CEP68: variants seen among roughly 807,000 people sequenced by gnomAD.
CEP68 encodes centrosomal protein 68, also known as centrosomal protein of 68 kDa.
CEP68 carries 26 observed loss-of-function variants against 55.3 expected under a neutral mutation model. That is an observed-to-expected ratio of 0.47 (90% CI 0.34 to 0.65). The LOEUF is 0.65. Ranked by LOEUF, CEP68 falls within the 30% of genes least tolerant of loss-of-function variation. CEP68 has a pLI of 0.01. For synonymous variants in CEP68, 402 were observed against 383.2 expected (o/e 1.05, Z -0.57); for missense variants, 957 against 946.7 (o/e 1.01, Z -0.14).
At chr2:65,067,118 T>C (rs562486700) in intron 1 of CEP68, among the ~76,000 whole-genome samples, 1 of 152,038 alleles carries the variant, frequency 6.6e-6, no homozygotes, top group African/African-American at 2.4e-5. Context: ...GTACAGTGGC[T>C]TATGCCTATA....
rs12611491 is a variant in CEP68, at chr2:65,069,523, A to G, written c.79A>G (p.Arg27Gly). The G allele has an allele frequency of 0.017, 26,902 of 1,587,312 alleles. 1,687 individuals carry two copies. The East Asian group carries it at 0.23, about 14-fold the overall frequency. The change falls in exon 2 of 7, where the codon AGG becomes GGG. Residue 27 changes from arginine to glycine, a missense_variant. By Grantham distance (125) the Arg-to-Gly change is moderately radical. Coordinates refer to ENST00000377990, the MANE Select transcript of CEP68 (RefSeq NM_015147.3). ...CCAGTCCTATGGGAGAGGGAGCTGC[A>G]GGGAGCGGGAGCTGGACATCCCAGG... ...KAQSYGRGSCRERELDIPGPM... is the reference protein window; with the variant it reads ...KAQSYGRGSCGERELDIPGPM...
chr2:65,081,179 T>C (rs1039728250), intron 5 of CEP68, among the ~76,000 whole-genome samples: 2 of 148,182 alleles, frequency 1.3e-5, no homozygotes, highest in Admixed American at 6.8e-5. Context: ...GCCGCTGCAC[T>C]CCAGCCTGGG....
intron 1 of CEP68, among the ~76,000 whole-genome samples, chr2:65,061,868 A>T (rs1409063429): frequency 6.6e-6 from 1 of 152,138 alleles, no homozygotes; most frequent in African/African-American, 2.4e-5. Flanking sequence ...CTCTGCCTTT[A>T]AGCTCCTTTA....
intron 2 of CEP68, among the ~76,000 whole-genome samples, chr2:65,070,517 C>G (rs1404878068): frequency 6.6e-6 from 1 of 151,794 alleles, no homozygotes; most frequent in Non-Finnish European, 1.5e-5. Flanking sequence ...GTCATTGTAG[C>G]CTTGGCTGCT....
chr2:65,067,594 C>T (rs773747266), intron 1 of CEP68, among the ~76,000 whole-genome samples: 1 of 152,094 alleles, frequency 6.6e-6, no homozygotes, highest in Non-Finnish European at 1.5e-5. Context: ...CTGATTCTGT[C>T]CATGCCTCCC....
chr2:65,074,013 C>T (rs57171913), intron 3 of CEP68: 9,710 of 357,772 alleles, frequency 0.027, 872 homozygotes, highest in African/African-American at 0.19. Context: ...GTTTCCATGG[C>T]AGGCACGCCT....
intron 1 of CEP68, among the ~76,000 whole-genome samples, chr2:65,062,856 G>A (rs1048085789): frequency 2.6e-4 from 39 of 152,232 alleles, no homozygotes; most frequent in African/African-American, 9.1e-4. Context: ...AATAGTCCTA[G>A]GGGAGGTCCT....
At chr2:65,077,078 C>T (rs574655775) in intron 4 of CEP68, among the ~76,000 whole-genome samples, 1 of 144,822 alleles carries the variant, frequency 6.9e-6, no homozygotes, top group East Asian at 2.0e-4. Context: ...TCACTGCAAC[C>T]CCTGCCTCCC....
Position 65,069,460 on chromosome 2 carries a change from GA to G in CEP68, c.20del (p.Lys7ArgfsTer31). On this transcript the variant is annotated frameshift_variant, in exon 2 of 7. Transcript: ENST00000377990. LOFTEE classifies it high-confidence loss of function. MALGE[E>X]KAEAEASEDT... is the part of the protein sequence containing the mutation. ...GGGAGTCTCAATGGCCCTGGGTGAA[GA>G]AAAGGCAGAAGCGGAAGCATCTGAA... 1 of 1,515,992 alleles carries G rather than the reference GA, an allele frequency of 6.6e-7. No homozygotes were observed. The allele number at this position is 1,515,992 out of a possible 1,614,324, so 93.9% of individuals were successfully genotyped here.
chr2:65,069,835 T>G, intron 2 of CEP68, 34 bp downstream of exon 2: 1 of 1,547,128 alleles, frequency 6.5e-7, no homozygotes, highest in Non-Finnish European at 8.9e-7. Context: ...GATGGACCCA[T>G]TGCTGTCCTT....
Position 65,071,923 on chromosome 2 carries a change from G to C in CEP68, c.827G>C (p.Cys276Ser). ...RLSFQAEYWACVLPDSLPPSP... is the reference protein window; with the variant it reads ...RLSFQAEYWASVLPDSLPPSP... ...TCCTTCCAGGCTGAGTACTGGGCCTGTGTGCTGCCAGATTCCCTGCCTCCA... is the reference window on the plus strand; with the variant it reads ...TCCTTCCAGGCTGAGTACTGGGCCTCTGTGCTGCCAGATTCCCTGCCTCCA... Residue 276 changes from cysteine (C) to serine (S), a missense_variant, in exon 3 of 7, where the codon TGT becomes TCT. Physicochemically the swap from Cys to Ser is moderately radical, Grantham distance 112. Transcript: ENST00000377990. The C allele has an allele frequency of 1.2e-6, 2 of 1,613,106 alleles. No homozygotes were observed. The highest frequency in any genetic ancestry group is 1.7e-6 in the Non-Finnish European group (2 of 1,179,928).
At chr2:65,062,143 G>C (rs1675938844) in intron 1 of CEP68, among the ~76,000 whole-genome samples, 2 of 152,212 alleles carry the variant, frequency 1.3e-5, no homozygotes, top group South Asian at 4.1e-4. Flanking sequence ...GCTGGCACAG[G>C]TGACTGTGCG....
chr2:65,074,142 C>T, intron 3 of CEP68, 140 bp from the exon 4 acceptor site: 11 of 926,716 alleles, frequency 1.2e-5, no homozygotes, highest in African/African-American at 1.7e-5. Context: ...GTCGTGGAGT[C>T]GGGACAGGTG....
chr2:65,065,965 A>AC (rs1435776057), intron 1 of CEP68, among the ~76,000 whole-genome samples: 3 of 151,368 alleles, frequency 2.0e-5, no homozygotes, highest in African/African-American at 7.4e-5. Context: ...TAAAAAAAAA[A>AC]AAAAAAACAC....
chr2:65,064,897 C>T (rs1676088341), intron 1 of CEP68, among the ~76,000 whole-genome samples: 1 of 152,190 alleles, frequency 6.6e-6, no homozygotes. Flanking sequence ...CTTAATGAGC[C>T]ACAAGGTGAG....
chr2:65,082,390 TAAA>T (rs1668872959), intron 5 of CEP68, 143 bp from the exon 6 acceptor site: 1 of 574,736 alleles, frequency 1.7e-6, no homozygotes, highest in African/African-American at 1.9e-5. Context: ...GAATCACTGT[TAAA>T]AAAGGGCAGA....
intron 6 of CEP68, among the ~76,000 whole-genome samples, chr2:65,083,069 C>T (rs1169144241): frequency 6.6e-6 from 1 of 152,184 alleles, no homozygotes; most frequent in Non-Finnish European, 1.5e-5. Context: ...GGGCCATGAC[C>T]TGGCCACCCC....
chr2:65,072,067 C>T lies in CEP68; in HGVS notation c.971C>T (p.Pro324Leu), dbSNP rs1676497508. The T allele has an allele frequency of 1.2e-6, 2 of 1,613,998 alleles. No individual in the cohort carries two copies. The highest frequency in any genetic ancestry group is 1.7e-6 in the Non-Finnish European group (2 of 1,180,000). ...QLPKHLDSRV[P>L]ADPVLQDSGV... ...CCAAAGCACCTTGATAGCCGTGTGC[C>T]AGCTGACCCTGTCCTGCAGGACTCC... The change falls in exon 3 of 7, where the codon CCA becomes CTA. Residue 324 changes from proline (P) to leucine (L), a missense_variant. Physicochemically the swap from Pro to Leu is moderately conservative, Grantham distance 98. Coordinates refer to ENST00000377990, the MANE Select transcript of CEP68 (RefSeq NM_015147.3).
chr2:65,065,666 T>C (rs1408132573), intron 1 of CEP68, among the ~76,000 whole-genome samples: 1 of 152,122 alleles, frequency 6.6e-6, no homozygotes, highest in Non-Finnish European at 1.5e-5. Flanking sequence ...TTATGAAAGA[T>C]GAATAAAAAC....
Sources: allele counts gnomAD v4.1 joint callset (sites outside exome capture counted in the v4.1 genomes callset), GRCh38; gene constraint gnomAD v4.1.1; transcripts MANE v1.5; gene names NCBI Gene and HGNC (gene_info 2026-07-23, HGNC 2026-07-21).